Variants in SREK1 observed in about 807,000 individuals in gnomAD.
The protein encoded by SREK1 is splicing regulatory glutamine/lysine-rich protein 1.
A neutral mutation model predicts 66.5 loss-of-function variants in SREK1; 13 were observed. The ratio of observed to expected loss-of-function variants is 0.20; its 90% CI spans 0.13 to 0.31. The LOEUF (loss-of-function observed/expected upper bound fraction) is 0.31, where lower values mean the gene tolerates loss of function less well. Ranked by LOEUF, SREK1 falls within the 10% of genes least tolerant of loss-of-function variation. The pLI is 1.00. For synonymous variants in SREK1, 265 were observed against 263.5 expected (o/e 1.01, Z -0.05); for missense variants, 607 against 769.6 (o/e 0.79, Z 2.50).
intron 11 of SREK1, 111 bp from the exon 12 acceptor site, chr5:66,178,608 A>C: frequency 9.5e-7 from 1 of 1,057,208 alleles, no homozygotes; most frequent in Non-Finnish European, 1.3e-6. Flanking sequence ...AATGAGAGAA[A>C]ATCATACCCA....
chr5:66,153,201 C>T (rs891689245), intron 1 of SREK1, among the ~76,000 whole-genome samples: 1 of 151,870 alleles, frequency 6.6e-6, no homozygotes, highest in Non-Finnish European at 1.5e-5. Context: ...TACATTCACT[C>T]GGATTAAGGA....
intron 2 of SREK1, among the ~76,000 whole-genome samples, chr5:66,154,404 G>A (rs1376879938): frequency 6.6e-6 from 1 of 152,146 alleles, no homozygotes; most frequent in Non-Finnish European, 1.5e-5. Flanking sequence ...ACTAGCATGT[G>A]TACAGGATTT....
At chr5:66,156,224 A>T in intron 2 of SREK1, 2 of 1,289,664 alleles carry the variant, frequency 1.6e-6, no homozygotes, top group South Asian at 2.7e-5. Flanking sequence ...TTATTGTTTT[A>T]CTTTAATTTC....
Position 66,183,181 on chromosome 5 carries a change from G to T in SREK1, c.*4313G>T, listed in dbSNP as rs553536252. ...TTTCCAGGATTGGTATGGAGGAGTAGTACCTTCTATTCTTGGTTTATTTTT... is the reference window on the plus strand; with the variant it reads ...TTTCCAGGATTGGTATGGAGGAGTATTACCTTCTATTCTTGGTTTATTTTT... On this transcript the variant is annotated 3_prime_UTR_variant, in exon 12 of 12. Coordinates refer to ENST00000334121, the MANE Select transcript of SREK1 (RefSeq NM_001077199.3). 1 of 152,074 alleles carries T rather than the reference G, an allele frequency of 6.6e-6. No homozygotes were observed. Among genetic ancestry groups the T allele is most frequent in the Non-Finnish European group, 1.5e-5 (1 of 67,992 alleles). The allele number at this position is 152,074 out of a possible 1,614,324, so 9.4% of individuals were successfully genotyped here.
intron 8 of SREK1, 26 bp downstream of exon 8, chr5:66,170,196 A>AT (rs537585953): frequency 1.7e-4 from 263 of 1,587,824 alleles, no homozygotes; most frequent in Middle Eastern, 6.8e-4. Context: ...ATTAACAATA[A>AT]TTTTTTTTTC....
Position 66,144,300 on chromosome 5 carries a change from G to A in SREK1, c.-77G>A. ...AGCGGGAGCGCGCTCGCGGCCGCGC[G>A]TTCTCCGCTTTCCCGGCTCCGTCGC... is the stretch of plus-strand genomic sequence containing the variant. On this transcript the variant is annotated 5_prime_UTR_variant, in exon 1 of 12. Transcript: ENST00000334121. 1 of 1,252,738 alleles carries A rather than the reference G, an allele frequency of 8.0e-7. No homozygotes were observed. Among genetic ancestry groups the A allele is most frequent in the Non-Finnish European group, 1.1e-6 (1 of 918,512 alleles). 77.6% of individuals were successfully genotyped at this position (1,252,738 alleles called of 1,614,324 possible).
At chr5:66,151,324 C>T (rs921160336) in intron 1 of SREK1, among the ~76,000 whole-genome samples, 10 of 152,140 alleles carry the variant, frequency 6.6e-5, no homozygotes, top group African/African-American at 2.4e-4. Flanking sequence ...GTCAGTTCTG[C>T]TCATATTTAA....
At chr5:66,155,375 C>T (rs936723161) in intron 2 of SREK1, among the ~76,000 whole-genome samples, 1 of 152,088 alleles carries the variant, frequency 6.6e-6, no homozygotes, top group Non-Finnish European at 1.5e-5. Flanking sequence ...TTCAGATATA[C>T]GTTTTTCATT....
chr5:66,178,530 G>T (rs1746251922), intron 11 of SREK1, among the ~76,000 whole-genome samples, 189 bp from the exon 12 acceptor site: 1 of 151,968 alleles, frequency 6.6e-6, no homozygotes, highest in Admixed American at 6.6e-5. Flanking sequence ...TCCATGGATT[G>T]TCCATCTTTT....
At chr5:66,148,195 A>G (rs1176855028) in intron 1 of SREK1, among the ~76,000 whole-genome samples, 2 of 152,074 alleles carry the variant, frequency 1.3e-5, no homozygotes, top group Non-Finnish European at 2.9e-5. Context: ...ACTGAAGCCC[A>G]GTGAAGAAAC....
At position 66,163,470 on chromosome 5, in the gene SREK1, T is replaced by G. The variant is rs550474985; in HGVS notation, c.756-322T>G. On this transcript the variant is annotated intron_variant, in intron 5 of 11. Coordinates refer to ENST00000334121, the MANE Select transcript of SREK1 (RefSeq NM_001077199.3). The stretch of plus-strand genomic sequence containing the variant: ...CTTTTGATTTGAAAATAGAAATGAT[T>G]CATTTTCATATTGGTATCAACATTT... 223 of 202,118 alleles carry G rather than the reference T, an allele frequency of 1.1e-3. 1 individual carries two copies. The South Asian group carries it at 0.018, about 16-fold the overall frequency. The allele number at this position is 202,118 out of a possible 1,614,324, so 12.5% of individuals were successfully genotyped here. A position where few individuals can be genotyped will look rare whatever the true frequency, so the allele number is the denominator to read the frequency against.
chr5:66,177,810 TA>T (rs1328730749), intron 11 of SREK1, 152 bp downstream of exon 11: 2 of 597,656 alleles, frequency 3.3e-6, no homozygotes, highest in African/African-American at 1.9e-5. Context: ...ATTGGTAATT[TA>T]AAAAAACTAA....
chr5:66,144,900 A>G, intron 1 of SREK1: 1 of 1,003,564 alleles, frequency 1.0e-6, no homozygotes, highest in Non-Finnish European at 1.2e-6. Flanking sequence ...CAAACGTCTC[A>G]GAGCGTTTTT....
Position 66,170,679 on chromosome 5 carries a change from G to A in SREK1, c.1216G>A (p.Glu406Lys). The stretch of plus-strand genomic sequence containing the variant: ...GGAGAGAGAGAGGGAAAAGGAACGT[G>A]AAAAAGAAAAGGAACGGGGTAAAAA... ...EKEREREKER[E>K]KEKERGKNKD... is the part of the protein sequence containing the mutation. Residue 406 changes from glutamate to lysine, a missense_variant, in exon 9 of 12, where the codon GAA (glutamate) becomes AAA (lysine). Physicochemically the swap from Glu to Lys is moderately conservative, Grantham distance 56 (BLOSUM62 1). Transcript: ENST00000334121. The A allele has an allele frequency of 1.2e-6, 2 of 1,612,502 alleles. No individual in the cohort carries two copies. Among genetic ancestry groups the A allele is most frequent in the Non-Finnish European group, 1.7e-6 (2 of 1,179,370 alleles).
chr5:66,170,007 A>G (rs2112072812), intron 7 of SREK1, 44 bp from the exon 8 acceptor site: 1 of 1,441,994 alleles, frequency 6.9e-7, no homozygotes, highest in Non-Finnish European at 9.2e-7. Flanking sequence ...TGTTTGAAAG[A>G]TCGTAAATTA....
intron 8 of SREK1, 70 bp from the exon 9 acceptor site, chr5:66,170,515 A>G: frequency 6.6e-7 from 1 of 1,503,858 alleles, no homozygotes; most frequent in South Asian, 1.3e-5. Context: ...TAATTGTTGA[A>G]GAGAGAGAGG....
chr5:66,177,777 TTTTAAAATA>T (rs1209039551), intron 11 of SREK1, 119 bp downstream of exon 11: 4 of 750,622 alleles, frequency 5.3e-6, no homozygotes, highest in Non-Finnish European at 7.8e-6. Flanking sequence ...TTTTATGGCA[TTTTAAAATA>T]TTTAAAATAT....
At position 66,182,379 on chromosome 5, in the gene SREK1, A is replaced by T. The variant is rs1225032998; in HGVS notation, c.*3511A>T. ...AATTTTCACTTAAAATTAGATGTTT[A>T]TTTTCAAATTTTAAAAGCTAGTGCT... On this transcript the variant is annotated 3_prime_UTR_variant, in exon 12 of 12. Coordinates refer to ENST00000334121, the MANE Select transcript of SREK1 (RefSeq NM_001077199.3). 6.6e-6 allele frequency: 1 copy of T among 152,046 alleles called. No individual in the cohort carries two copies. Among genetic ancestry groups the T allele is most frequent in the Non-Finnish European group, 1.5e-5 (1 of 68,008 alleles). The allele number at this position is 152,046 out of a possible 1,614,324, so 9.4% of individuals were successfully genotyped here.
chr5:66,144,582 A>G, intron 1 of SREK1, 45 bp downstream of exon 1: 2 of 1,520,530 alleles, frequency 1.3e-6, no homozygotes, highest in Non-Finnish European at 1.8e-6. Context: ...GGCGCCATAG[A>G]GACCTCGGGA....
Sources: allele counts gnomAD v4.1 joint callset (sites outside exome capture counted in the v4.1 genomes callset), GRCh38; gene constraint gnomAD v4.1.1; transcripts MANE v1.5; gene names NCBI Gene and HGNC (gene_info 2026-07-23, HGNC 2026-07-21).